Variants in BLTP1 observed in about 807,000 individuals in gnomAD.
BLTP1 encodes bridge-like lipid transfer protein family member 1.
the BLTP1 span, chr4:122,199,307 T>G: frequency 6.3e-7 from 1 of 1,594,522 alleles, no homozygotes; most frequent in South Asian, 1.1e-5. Flanking sequence ...CCAAAGATGT[T>G]TCATTTTGTA....
the BLTP1 span, chr4:122,272,170 C>A: frequency 5.0e-6 from 8 of 1,612,146 alleles, no homozygotes; most frequent in Non-Finnish European, 6.8e-6. Context: ...GAGTTCGGAG[C>A]CCTACAGAGC....
the BLTP1 span, chr4:122,227,599 C>T: frequency 1.4e-4 from 50 of 364,278 alleles, no homozygotes; most frequent in East Asian, 1.6e-4. Flanking sequence ...ATATGTCTTT[C>T]CTTTTTTGTT....
the BLTP1 span, chr4:122,325,331 T>G: frequency 1.9e-6 from 3 of 1,596,178 alleles, no homozygotes; most frequent in South Asian, 3.4e-5. Context: ...GTAAGAGATA[T>G]ATAATTTGTT....
the BLTP1 span, chr4:122,208,288 C>A: frequency 1.5e-6 from 1 of 683,704 alleles, no homozygotes; most frequent in Non-Finnish European, 1.8e-6. Flanking sequence ...AGGAACAGAG[C>A]TTTTGTAACT....
chr4:122,266,095 G>C, the BLTP1 span, among the ~76,000 whole-genome samples: 4 of 152,182 alleles, frequency 2.6e-5, no homozygotes, highest in Admixed American at 2.6e-4. Flanking sequence ...TATTTAGAAT[G>C]TAGAAGGGGG....
the BLTP1 span, among the ~76,000 whole-genome samples, chr4:122,216,369 T>C: frequency 6.6e-6 from 1 of 152,172 alleles, no homozygotes; most frequent in South Asian, 2.1e-4. Context: ...TGTACTAGTT[T>C]ACATTCCCAC....
the BLTP1 span, chr4:122,259,896 T>C: frequency 1.1e-6 from 1 of 937,184 alleles, no homozygotes; most frequent in African/African-American, 1.8e-5. Flanking sequence ...AAAGTCTGTG[T>C]ATAGACTCAC....
chr4:122,167,847 T>G, the BLTP1 span: 1 of 985,296 alleles, frequency 1.0e-6, no homozygotes, highest in Non-Finnish European at 1.2e-6. Context: ...ATTGAACTGT[T>G]CAGGAAGGGT....
At chr4:122,200,874 C>T in the BLTP1 span, 3 of 1,321,318 alleles carry the variant, frequency 2.3e-6, no homozygotes, top group South Asian at 1.7e-5. Flanking sequence ...ATTAAAGTCT[C>T]AAAGGGACCT....
chr4:122,169,015 A>G, the BLTP1 span, among the ~76,000 whole-genome samples: 1 of 152,102 alleles, frequency 6.6e-6, no homozygotes, highest in African/African-American at 2.4e-5. Context: ...TAGCATGATC[A>G]TAGCTCACCG....
At chr4:122,267,950 G>T in the BLTP1 span, among the ~76,000 whole-genome samples, 1 of 151,914 alleles carries the variant, frequency 6.6e-6, no homozygotes, top group Non-Finnish European at 1.5e-5. Context: ...AAATACTTGT[G>T]TCTGATATAT....
chr4:122,271,009 C>G, the BLTP1 span: 1 of 1,553,786 alleles, frequency 6.4e-7, no homozygotes, highest in East Asian at 2.3e-5. Context: ...TTTTATTTCA[C>G]GTTTTTAGGC....
the BLTP1 span, among the ~76,000 whole-genome samples, chr4:122,213,094 G>C: frequency 1.3e-5 from 2 of 152,236 alleles, no homozygotes; most frequent in South Asian, 4.1e-4. Flanking sequence ...GTGCAGTGGA[G>C]CAATCATAGC....
the BLTP1 span, chr4:122,347,843 C>A: frequency 2.5e-6 from 3 of 1,202,838 alleles, no homozygotes; most frequent in Non-Finnish European, 2.3e-6. Flanking sequence ...CTTAGTTACT[C>A]TCAGATTTCA....
chr4:122,230,344 C>G, the BLTP1 span: 1 of 716,238 alleles, frequency 1.4e-6, no homozygotes, highest in Non-Finnish European at 2.3e-6. Context: ...TGTGCTGCTG[C>G]ACCTCAATGA....
chr4:122,208,630 C>A, the BLTP1 span: 1 of 984,252 alleles, frequency 1.0e-6, no homozygotes, highest in Non-Finnish European at 1.2e-6. Context: ...GGAAGACATT[C>A]TTTTCACTGT....
chr4:122,184,118 C>T, the BLTP1 span, among the ~76,000 whole-genome samples: 1 of 151,780 alleles, frequency 6.6e-6, no homozygotes, highest in African/African-American at 2.4e-5. Context: ...AAAATATGCA[C>T]CTAAAGTAAA....
the BLTP1 span, among the ~76,000 whole-genome samples, chr4:122,345,625 A>G: frequency 2.6e-5 from 4 of 151,344 alleles, no homozygotes; most frequent in African/African-American, 9.7e-5. Flanking sequence ...GCCATGATAA[A>G]GAATTGGGTT....
At chr4:122,194,624 G>GA in the BLTP1 span, 1 of 978,686 alleles carries the variant, frequency 1.0e-6, no homozygotes, top group African/African-American at 1.7e-5. Context: ...TGTTTGCGAA[G>GA]AAAAAATGAA....
Sources: gnomAD v4.1 joint callset for allele counts (sites outside exome capture counted in the v4.1 genomes callset) on GRCh38, gnomAD v4.1.1 for gene constraint, MANE v1.5 for transcripts, NCBI Gene and HGNC (gene_info 2026-07-23, HGNC 2026-07-21) for gene names.